The following PDE1C variants were observed in gnomAD, a reference collection of about 807,000 sequenced individuals.
PDE1C encodes the protein dual specificity calcium/calmodulin-dependent 3',5'-cyclic nucleotide phosphodiesterase 1C.
In PDE1C, 62 loss-of-function variants were observed where a neutral mutation model predicts 93.1. The observed-to-expected ratio is 0.67, with a 90% CI of 0.54 to 0.82. The LOEUF is 0.82. Ranked by LOEUF, PDE1C falls within the 40% of genes least tolerant of loss-of-function variation. The probability of loss-of-function intolerance (pLI) is 0.00; values close to 1 mark genes in which losing one functional copy is unlikely to be tolerated. For missense variants in PDE1C, 742 were observed against 884.6 expected, an observed-to-expected ratio of 0.84 and a Z score of 2.04; for synonymous variants, 325 against 310.1, an observed-to-expected ratio of 1.05 and a Z score of -0.50.
At chr7:32,073,059 A>G (rs1209516601), upstream of PDE1C, among the ~76,000 whole-genome samples, 1 of 152,222 alleles carries the variant, frequency 6.6e-6, no homozygotes, top group Non-Finnish European at 1.5e-5. Flanking sequence ...ATGAAAATAT[A>G]CAAAGGAATA....
chr7:32,147,362 C>CATAAAATGT (rs1800960593), intron 3 of PDE1C, among the ~76,000 whole-genome samples: 1 of 150,792 alleles, frequency 6.6e-6, no homozygotes, highest in African/African-American at 2.5e-5. Context: ...TTTGTGTTTG[C>CATAAAATGT]ATAAAATGTT....
At chr7:31,804,992 G>T (rs1199130168) in intron 16 of PDE1C, among the ~76,000 whole-genome samples, 4 of 151,712 alleles carry the variant, frequency 2.6e-5, no homozygotes, top group Admixed American at 2.6e-4. Flanking sequence ...GGGACCCTCG[G>T]GGAGGTAATT....
chr7:31,616,903 T>C, the PDE1C span, among the ~76,000 whole-genome samples: 6 of 152,204 alleles, frequency 3.9e-5, no homozygotes, highest in Non-Finnish European at 8.8e-5. Flanking sequence ...CTTTTTGCCT[T>C]CTTGGTGGTT....
At chr7:32,252,127 T>A (rs1441272602) in intron 1 of PDE1C, among the ~76,000 whole-genome samples, 1 of 152,244 alleles carries the variant, frequency 6.6e-6, no homozygotes, top group Non-Finnish European at 1.5e-5. Context: ...AGATCACTTA[T>A]GTCTCCTCCT....
At chr7:32,349,050 T>G (rs983494979) in intron 1 of PDE1C, among the ~76,000 whole-genome samples, 1 of 152,186 alleles carries the variant, frequency 6.6e-6, no homozygotes, top group Non-Finnish European at 1.5e-5. Flanking sequence ...AACCAACCAA[T>G]GGGCCATCCC....
chr7:31,692,073 T>G, the PDE1C span, among the ~76,000 whole-genome samples: 1 of 152,240 alleles, frequency 6.6e-6, no homozygotes, highest in African/African-American at 2.4e-5. Flanking sequence ...CATGATTTTC[T>G]GTGACTCTCA....
the PDE1C span, among the ~76,000 whole-genome samples, chr7:31,709,300 ACT>A: frequency 6.6e-6 from 1 of 152,156 alleles, no homozygotes; most frequent in African/African-American, 2.4e-5. Context: ...AGCCCCTGGA[ACT>A]CTCTGAGTCT....
intron 1 of PDE1C, among the ~76,000 whole-genome samples, chr7:32,333,037 C>G (rs552155744): frequency 6.6e-6 from 1 of 152,158 alleles, no homozygotes; most frequent in African/African-American, 2.4e-5. Context: ...TTATGTTGTA[C>G]ATCAATAAAA....
chr7:31,821,097 A>G (rs1449653626), intron 14 of PDE1C, among the ~76,000 whole-genome samples: 1 of 151,900 alleles, frequency 6.6e-6, no homozygotes, highest in Admixed American at 6.6e-5. Flanking sequence ...TATCCGTAAC[A>G]CCAGGCTCTG....
chr7:32,066,904 C>T (rs1240131565), intron 1 of PDE1C, among the ~76,000 whole-genome samples: 1 of 152,172 alleles, frequency 6.6e-6, no homozygotes, highest in Non-Finnish European at 1.5e-5. Context: ...CTGAGAGTTC[C>T]AATTAAGAAA....
intron 2 of PDE1C, among the ~76,000 whole-genome samples, chr7:32,174,652 A>G (rs1802869228): frequency 6.6e-6 from 1 of 152,176 alleles, no homozygotes; most frequent in Non-Finnish European, 1.5e-5. Context: ...GCCATTTGCA[A>G]AGTGCCTTGA....
At chr7:31,846,998 C>T (rs1792717776) in intron 9 of PDE1C, among the ~76,000 whole-genome samples, 1 of 152,072 alleles carries the variant, frequency 6.6e-6, no homozygotes, top group Non-Finnish European at 1.5e-5. Flanking sequence ...CACACAAATA[C>T]CCAATAAACA....
intron 11 of PDE1C, 21 bp downstream of exon 11, chr7:31,837,159 G>GGA (rs1791219485): frequency 1.2e-6 from 2 of 1,609,328 alleles, no homozygotes; most frequent in Admixed American, 1.7e-5. Context: ...CAGTCCTGAT[G>GGA]GAGAGAGAGC....
intron 3 of PDE1C, among the ~76,000 whole-genome samples, chr7:32,090,204 A>T (rs538416299): frequency 5.4e-4 from 82 of 152,258 alleles, no homozygotes; most frequent in Admixed American, 5.9e-4. Flanking sequence ...TAAAATAACA[A>T]CACTCCTACA....
the PDE1C span, chr7:31,651,967 CG>C: frequency 1.2e-6 from 2 of 1,602,632 alleles, no homozygotes; most frequent in Non-Finnish European, 1.7e-6. Flanking sequence ...GCAAACGTTA[CG>C]TGAGGCCCTG....
rs989181752 is a variant in PDE1C, at chr7:31,752,087, G to C, written c.*1297C>G. 2 of 152,144 alleles carry C rather than the reference G, an allele frequency of 1.3e-5. No homozygotes were observed. Among genetic ancestry groups the C allele is most frequent in the African/African-American group, 4.8e-5 (2 of 41,422 alleles). The allele number at this position is 152,144 out of a possible 1,614,324, so 9.4% of individuals were successfully genotyped here. ...GTGTGTATATGAATCCTAGTTTCTA[G>C]TTAAGCAAATGGAGGCATCAAAAAA... On this transcript the variant is annotated 3_prime_UTR_variant, in exon 18 of 18. Coordinates refer to ENST00000396191, the MANE Select transcript of PDE1C (RefSeq NM_001191057.4).
intron 2 of PDE1C, among the ~76,000 whole-genome samples, chr7:32,035,248 A>T (rs1376566454): frequency 6.6e-6 from 1 of 152,012 alleles, no homozygotes; most frequent in African/African-American, 2.4e-5. Context: ...CCCCAAGATA[A>T]ACTCCCCTAC....
chr7:31,731,379 AG>A, the PDE1C span, among the ~76,000 whole-genome samples: 2 of 151,222 alleles, frequency 1.3e-5, no homozygotes, highest in East Asian at 3.9e-4. Context: ...TTGGGGTGAA[AG>A]GCAGGGAATT....
intron 1 of PDE1C, among the ~76,000 whole-genome samples, chr7:32,425,454 A>AT (rs1339239098): frequency 2.0e-5 from 3 of 152,190 alleles, no homozygotes; most frequent in Non-Finnish European, 4.4e-5. Flanking sequence ...TCAGAATGTA[A>AT]TTTTTAATTG....
Sources: gnomAD v4.1 joint callset for allele counts (sites outside exome capture counted in the v4.1 genomes callset) on GRCh38, gnomAD v4.1.1 for gene constraint, MANE v1.5 for transcripts, NCBI Gene and HGNC (gene_info 2026-07-23, HGNC 2026-07-21) for gene names.